The following DNM3 variants were observed in gnomAD, a reference collection of about 807,000 sequenced individuals.
The protein encoded by DNM3 is dynamin-3.
In DNM3, 47 loss-of-function variants were observed where a neutral mutation model predicts 101.6. That is an observed-to-expected ratio of 0.46 (90% CI 0.37 to 0.59). The LOEUF (loss-of-function observed/expected upper bound fraction) is 0.59, where lower values mean the gene tolerates loss of function less well. Among genes scored for constraint, DNM3 ranks in the 20% least tolerant of loss-of-function variants. The pLI is 0.00. For synonymous variants in DNM3, 385 were observed against 387.9 expected (o/e 0.99, Z 0.09); for missense variants, 849 against 1,085.7 (o/e 0.78, Z 3.06).
At chr1:171,946,168 A>G (rs1330473683) in intron 2 of DNM3, among the ~76,000 whole-genome samples, 1 of 152,200 alleles carries the variant, frequency 6.6e-6, no homozygotes, top group South Asian at 2.1e-4. Context: ...GTTAGGAAGC[A>G]TTTGTTGGGG....
intron 17 of DNM3, among the ~76,000 whole-genome samples, chr1:172,332,747 A>T (rs1573502455): frequency 6.6e-6 from 1 of 152,170 alleles, no homozygotes; most frequent in East Asian, 1.9e-4. Context: ...GTAACATGTT[A>T]TTTCCACACT....
chr1:171,953,420 CTTTTTTTTT>C (rs749644835), intron 2 of DNM3, among the ~76,000 whole-genome samples: 1 of 129,012 alleles, frequency 7.8e-6, no homozygotes, highest in Non-Finnish European at 1.7e-5. Context: ...ATGCGCAATT[CTTTTTTTTT>C]TTTTTTTTTT....
chr1:172,396,408 C>T (rs938517491), intron 20 of DNM3, among the ~76,000 whole-genome samples: 2 of 152,150 alleles, frequency 1.3e-5, no homozygotes, highest in Non-Finnish European at 2.9e-5. Flanking sequence ...CATTAGAAAA[C>T]AGGAAAAGGT....
At chr1:172,158,465 A>G (rs2058425753) in intron 14 of DNM3, among the ~76,000 whole-genome samples, 2 of 152,036 alleles carry the variant, frequency 1.3e-5, no homozygotes, top group Non-Finnish European at 1.5e-5. Flanking sequence ...GGCAGTGGAA[A>G]AGACAGACCT....
Position 172,411,118 on chromosome 1 carries a change from A to G in DNM3, c.*3277A>G. 3 of 984,398 alleles carry G rather than the reference A, an allele frequency of 3.0e-6. No homozygotes were observed. The highest frequency in any genetic ancestry group is 3.6e-6 in the Non-Finnish European group (3 of 829,014). 61.0% of individuals were successfully genotyped at this position (984,398 alleles called of 1,614,324 possible). On this transcript the variant is annotated 3_prime_UTR_variant, in exon 21 of 21. Transcript: ENST00000627582. ...TAAATATATGTATATGTATGGTTGT[A>G]AATATCTATGTATACATGTACTTAG...
At position 172,048,599 on chromosome 1, in the gene DNM3, T is replaced by C. The variant is rs747745089; in HGVS notation, c.1197-13T>C. 6.3e-7 allele frequency: 1 copy of C among 1,594,142 alleles called. No homozygotes were observed. Among genetic ancestry groups the C allele is most frequent in the Non-Finnish European group, 8.5e-7 (1 of 1,173,338 alleles). On this transcript the variant is annotated splice_polypyrimidine_tract_variant and intron_variant, in intron 9 of 20. Coordinates refer to ENST00000627582, the MANE Select transcript of DNM3 (RefSeq NM_015569.5). ...AAAAAAATCTCATGGGCTGCTTGCT[T>C]TCTTACCTTCAGGACAGGGTTGTTT... is the stretch of plus-strand genomic sequence containing the variant.
At chr1:172,208,753 A>T (rs951445847) in intron 14 of DNM3, among the ~76,000 whole-genome samples, 4 of 151,900 alleles carry the variant, frequency 2.6e-5, no homozygotes, top group African/African-American at 9.7e-5. Flanking sequence ...CCTCTCCGCT[A>T]CTCCTTGACA....
downstream of DNM3, among the ~76,000 whole-genome samples, chr1:172,414,635 CA>C (rs760689414): frequency 2.6e-5 from 4 of 151,726 alleles, no homozygotes; most frequent in Non-Finnish European, 5.9e-5. Flanking sequence ...TACAGACTCT[CA>C]CTAACAAAAA....
At chr1:172,347,197 C>CCG (rs2066983726) in intron 17 of DNM3, among the ~76,000 whole-genome samples, 1 of 147,064 alleles carries the variant, frequency 6.8e-6, no homozygotes, top group South Asian at 2.2e-4. Context: ...AGCAGAAGCC[C>CCG]CCCCCGCCAA....
chr1:171,982,759 G>C (rs1218316349), intron 2 of DNM3, among the ~76,000 whole-genome samples: 5 of 152,068 alleles, frequency 3.3e-5, no homozygotes, highest in Non-Finnish European at 7.4e-5. Flanking sequence ...TTTAACCAGT[G>C]AGATGGTTAA....
chr1:172,080,681 A>G (rs757064030), intron 11 of DNM3, among the ~76,000 whole-genome samples: 3 of 152,120 alleles, frequency 2.0e-5, no homozygotes, highest in Non-Finnish European at 2.9e-5. Context: ...ATGGAAAAAG[A>G]ACTTCTGCAT....
At chr1:172,347,912 A>G (rs1184768172) in intron 17 of DNM3, among the ~76,000 whole-genome samples, 1 of 152,196 alleles carries the variant, frequency 6.6e-6, no homozygotes, top group Non-Finnish European at 1.5e-5. Context: ...ACTCCAGTAC[A>G]TTCAATGGTA....
chr1:171,985,235 A>AT (rs757632553), intron 2 of DNM3, among the ~76,000 whole-genome samples: 107 of 152,294 alleles, frequency 7.0e-4, no homozygotes, highest in Non-Finnish European at 1.4e-3. Flanking sequence ...ATTGAAAAAA[A>AT]CACAGTTCCA....
At chr1:172,032,248 C>T (rs916133186) in intron 4 of DNM3, among the ~76,000 whole-genome samples, 154 bp from the exon 5 acceptor site, 4 of 152,034 alleles carry the variant, frequency 2.6e-5, no homozygotes, top group Non-Finnish European at 5.9e-5. Flanking sequence ...ACTGAAATCA[C>T]CAAACTCAAG....
At chr1:172,337,278 C>T (rs2066474619) in intron 17 of DNM3, among the ~76,000 whole-genome samples, 2 of 152,170 alleles carry the variant, frequency 1.3e-5, no homozygotes, top group Non-Finnish European at 2.9e-5. Flanking sequence ...TTCCAGTCTT[C>T]CCTAAACACT....
At chr1:172,359,337 C>T (rs1191340887) in intron 17 of DNM3, among the ~76,000 whole-genome samples, 1 of 151,944 alleles carries the variant, frequency 6.6e-6, no homozygotes, top group Admixed American at 6.6e-5. Context: ...TGCCAGCAAG[C>T]CATAACTATT....
intron 16 of DNM3, among the ~76,000 whole-genome samples, chr1:172,320,903 T>A (rs1394395719): frequency 2.6e-5 from 4 of 152,190 alleles, no homozygotes; most frequent in Admixed American, 6.5e-5. Flanking sequence ...CAGTTTTGCA[T>A]ATTTACTAAG....
rs978738441 is a variant in DNM3, at chr1:172,318,400, G to A, written c.1882-4929G>A. Among the ~76,000 whole-genome samples the A allele has an allele frequency of 5.9e-5, 9 of 152,310 alleles. No homozygotes were observed. In the East Asian group the frequency reaches 1.5e-3, roughly 26 times the overall value. On this transcript the variant is annotated intron_variant, in intron 16 of 20. Coordinates refer to ENST00000627582, the MANE Select transcript of DNM3 (RefSeq NM_015569.5). ...AGTTCTGGCCAGGGCAATCAGGCAG[G>A]AGAAGGAAATAAAGGGTATTCAATT...
At chr1:172,252,183 C>T (rs867906106) in intron 14 of DNM3, among the ~76,000 whole-genome samples, 12 of 152,094 alleles carry the variant, frequency 7.9e-5, no homozygotes, top group African/African-American at 2.9e-4. Flanking sequence ...CTATTTTGTT[C>T]TCTAAGCGAC....
Sources: allele counts gnomAD v4.1 joint callset (sites outside exome capture counted in the v4.1 genomes callset), GRCh38; gene constraint gnomAD v4.1.1; transcripts MANE v1.5; gene names NCBI Gene and HGNC (gene_info 2026-07-23, HGNC 2026-07-21).